The following ABLIM2 variants were observed in gnomAD, a reference collection of about 807,000 sequenced individuals.
ABLIM2 encodes the protein actin binding LIM protein family member 2, also known as actin-binding LIM protein 2.
Under a neutral mutation model 97.7 loss-of-function variants are expected in ABLIM2, and 53 were observed. The observed-to-expected ratio is 0.54, with a 90% CI of 0.44 to 0.68. ABLIM2 has a LOEUF of 0.68. ABLIM2 is among the 30% of genes least tolerant of loss of function. The pLI is 0.00. For missense variants in ABLIM2, 835 were observed against 867.2 expected, an observed-to-expected ratio of 0.96 and a Z score of 0.47; for synonymous variants, 361 against 345.8, an observed-to-expected ratio of 1.04 and a Z score of -0.49.
At chr4:8,116,100 T>C (rs1842654134) in intron 1 of ABLIM2, among the ~76,000 whole-genome samples, 1 of 152,156 alleles carries the variant, frequency 6.6e-6, no homozygotes. Flanking sequence ...ACCACAGACA[T>C]TGTGGAGAGG....
At chr4:8,133,037 G>T (rs1290456541) in intron 1 of ABLIM2, among the ~76,000 whole-genome samples, 4 of 152,140 alleles carry the variant, frequency 2.6e-5, no homozygotes, top group Non-Finnish European at 5.9e-5. Context: ...GCAGGCTCTG[G>T]GGCTCTGGGA....
chr4:8,086,685 C>A (rs1823907839), intron 4 of ABLIM2, among the ~76,000 whole-genome samples: 1 of 152,122 alleles, frequency 6.6e-6, no homozygotes. Flanking sequence ...AAGCTGTGGA[C>A]AAACTGTTCA....
At position 7,986,093 on chromosome 4, in the gene ABLIM2, A is replaced by T. The variant is rs1743761564; in HGVS notation, c.1681-1200T>A. ...TCACGCTTCGTTCCCCAGCACCTGG[A>T]ACGGGGTCTCAAACGGGGTCAGGGC... is the stretch of plus-strand genomic sequence containing the variant. On this transcript the variant is annotated intron_variant, in intron 17 of 20. Transcript: ENST00000447017. The surrounding 1 kb of genome is among the most constrained non-coding windows in gnomAD (Gnocchi z 4.3). 6.6e-6 allele frequency among the ~76,000 whole-genome samples: 1 copy of T among 152,208 alleles called. No individual in the cohort carries two copies. Among genetic ancestry groups the T allele is most frequent in the Non-Finnish European group, 1.5e-5 (1 of 68,032 alleles).
chr4:8,047,759 C>A (rs1579729597), intron 8 of ABLIM2, among the ~76,000 whole-genome samples: 1 of 152,226 alleles, frequency 6.6e-6, no homozygotes. Flanking sequence ...GCTCCCTGAA[C>A]GGGCTTACCG....
intron 5 of ABLIM2, among the ~76,000 whole-genome samples, chr4:8,080,427 A>C (rs1819031757): frequency 6.6e-6 from 1 of 152,210 alleles, no homozygotes; most frequent in South Asian, 2.1e-4. Context: ...CATCCAAAAA[A>C]AGGAGCCGGA....
In ABLIM2 at chr4:8,120,188, G is replaced by A. The variant is rs1041533058; in HGVS notation, c.11-13551C>T. Among the ~76,000 whole-genome samples, 8 of 152,152 alleles carry A rather than the reference G, an allele frequency of 5.3e-5. No individual in the cohort carries two copies. Among genetic ancestry groups the A allele is most frequent in the Non-Finnish European group, 1.0e-4 (7 of 68,016 alleles). ...CTGCCCCTTCCTCCCAGAAGAGGACGTGGCAGGAAGCAAGAGCGGTGCCAG... is the reference window on the plus strand; with the variant it reads ...CTGCCCCTTCCTCCCAGAAGAGGACATGGCAGGAAGCAAGAGCGGTGCCAG... On this transcript the variant is annotated intron_variant, in intron 1 of 20. Transcript: ENST00000447017. This position sits in a 1 kb window ranked among gnomAD's most constrained non-coding sequence, Gnocchi z 5.6.
At chr4:8,074,776 C>CTTTTTTTTTTTT (rs71175458) in intron 6 of ABLIM2, among the ~76,000 whole-genome samples, 2 of 105,048 alleles carry the variant, frequency 1.9e-5, no homozygotes, top group Non-Finnish European at 3.8e-5. Flanking sequence ...CCTGGTAATT[C>CTTTTTTTTTTTT]TTTTTTTTTT....
At chr4:8,014,487 T>C (rs1038147548) in intron 14 of ABLIM2, among the ~76,000 whole-genome samples, 11 of 151,646 alleles carry the variant, frequency 7.3e-5, no homozygotes, top group Non-Finnish European at 1.5e-4. Context: ...GGAGAGAATG[T>C]GTGTGTGTGT....
chr4:8,094,322 G>A (rs576783411), intron 3 of ABLIM2, among the ~76,000 whole-genome samples: 23 of 152,258 alleles, frequency 1.5e-4, no homozygotes, highest in African/African-American at 5.5e-4. Flanking sequence ...ACAAGCCACA[G>A]ACAAAACTCC....
Position 8,088,161 on chromosome 4 carries a change from C to T in ABLIM2, c.454+8G>A, listed in dbSNP as rs1403012391. 6.4e-7 allele frequency: 1 copy of T among 1,564,500 alleles called. No homozygotes were observed. Among genetic ancestry groups the T allele is most frequent in the East Asian group, 2.4e-5 (1 of 41,208 alleles). On this transcript the variant is annotated splice_region_variant and intron_variant, in intron 4 of 20. Transcript: ENST00000447017. ...CACTCAACATGCCCCCACTCAGCGC[C>T]CACTTACTTCGGAGGCCCTGGGACA... is the stretch of plus-strand genomic sequence containing the variant.
chr4:8,102,415 T>G (rs763064716), intron 2 of ABLIM2, among the ~76,000 whole-genome samples: 3 of 152,254 alleles, frequency 2.0e-5, no homozygotes, highest in Non-Finnish European at 4.4e-5. Context: ...TTATTCTTTA[T>G]CATGTTTATT....
intron 17 of ABLIM2, chr4:7,989,520 T>TG: frequency 3.1e-5 from 21 of 684,196 alleles, no homozygotes; most frequent in South Asian, 6.5e-5. Flanking sequence ...GCCTCCATAA[T>TG]GAATTAGTGT....
In ABLIM2 at chr4:8,072,154, C is replaced by T. The variant is rs1482744487; in HGVS notation, c.675+5474G>A. 1 of 788,356 alleles carries T rather than the reference C, an allele frequency of 1.3e-6. No individual in the cohort carries two copies. The highest frequency in any genetic ancestry group is 1.9e-5 in the African/African-American group (1 of 53,346). The allele number at this position is 788,356 out of a possible 1,614,324, so 48.8% of individuals were successfully genotyped here. A position where few individuals can be genotyped will look rare whatever the true frequency, so the allele number is the denominator to read the frequency against. On this transcript the variant is annotated intron_variant, in intron 6 of 20. Transcript: ENST00000447017. This position sits in a 1 kb window ranked among gnomAD's most constrained non-coding sequence, Gnocchi z 5.8. The stretch of plus-strand genomic sequence containing the variant: ...CCAGGAGGCCCTTTCTCCTCCACAG[C>T]AGAGGAGGAGGAAAAAACCCAGACC...
Position 8,054,486 on chromosome 4 carries a change from C to A in ABLIM2, c.764-240G>T, listed in dbSNP as rs1455897222. On this transcript the variant is annotated intron_variant, in intron 7 of 20. Transcript: ENST00000447017. The surrounding 1 kb of genome is among the most constrained non-coding windows in gnomAD (Gnocchi z 4.9). ...TTGTGGGACGGAGGCAGCAAACAAA[C>A]AGGGAAATGGCTGCTGTGCACTAAC... 6.6e-6 allele frequency among the ~76,000 whole-genome samples: 1 copy of A among 152,240 alleles called. No homozygotes were observed. Among genetic ancestry groups the A allele is most frequent in the Non-Finnish European group, 1.5e-5 (1 of 68,042 alleles).
rs1393128068 is a variant in ABLIM2 at position 8,046,161 on chromosome 4, A to C, written c.823-920T>G. On this transcript the variant is annotated intron_variant, in intron 8 of 20. Coordinates refer to ENST00000447017, the MANE Select transcript of ABLIM2 (RefSeq NM_001130083.2). The surrounding 1 kb of genome is among the most constrained non-coding windows in gnomAD (Gnocchi z 4.4). ...TACATGCTCGCTGCTGTCTGGGGCC[A>C]CTCCTCCCTTCCGGACCACACCCGC... is the stretch of plus-strand genomic sequence containing the variant. 1.3e-5 allele frequency among the ~76,000 whole-genome samples: 2 copies of C among 150,556 alleles called. No homozygotes were observed. Among genetic ancestry groups the C allele is most frequent in the Middle Eastern group, 6.8e-3 (2 of 294 alleles).
chr4:8,095,088 T>C lies in ABLIM2; in HGVS notation c.338+2011A>G, dbSNP rs6816779. The stretch of plus-strand genomic sequence containing the variant: ...TTTCTTTCTTTCTCTCTCTCTCTCT[T>C]TCTTTCTTTCTCTTTCCTTTTCTTT... On this transcript the variant is annotated intron_variant, in intron 3 of 20. Coordinates refer to ENST00000447017, the MANE Select transcript of ABLIM2 (RefSeq NM_001130083.2). The surrounding 1 kb of genome is among the most constrained non-coding windows in gnomAD (Gnocchi z 4.7). Among the ~76,000 whole-genome samples, 24 of 84,876 alleles carry C rather than the reference T, an allele frequency of 2.8e-4. No individual in the cohort carries two copies. The East Asian group carries it at 7.0e-3, about 25-fold the overall frequency. 55.7% of individuals were successfully genotyped at this position (84,876 alleles called of 152,430 possible).
intron 1 of ABLIM2, among the ~76,000 whole-genome samples, chr4:8,141,990 A>C (rs1229071576): frequency 2.0e-5 from 3 of 152,220 alleles, no homozygotes; most frequent in African/African-American, 7.2e-5. Context: ...CAGGGGAACA[A>C]GCTGCTTGGC....
In ABLIM2 at chr4:8,123,274, A is replaced by G. The variant is rs575709619; in HGVS notation, c.11-16637T>C. 3.9e-5 allele frequency among the ~76,000 whole-genome samples: 6 copies of G among 152,192 alleles called. No individual in the cohort carries two copies. The East Asian group carries it at 1.2e-3, about 30-fold the overall frequency. On this transcript the variant is annotated intron_variant, in intron 1 of 20. Coordinates refer to ENST00000447017, the MANE Select transcript of ABLIM2 (RefSeq NM_001130083.2). This position sits in a 1 kb window ranked among gnomAD's most constrained non-coding sequence, Gnocchi z 6.2. ...GTGTGGGCACAACAGCACCAGCCCC[A>G]TCTCCAACTGGCATGAGAGGCGTTG...
chr4:8,024,558 G>T (rs530743470), intron 12 of ABLIM2, among the ~76,000 whole-genome samples: 1 of 152,226 alleles, frequency 6.6e-6, no homozygotes, highest in Non-Finnish European at 1.5e-5. Context: ...ACGCTGCCTG[G>T]TGTCCAGCTG....
Sources: gnomAD v4.1 joint callset for allele counts (sites outside exome capture counted in the v4.1 genomes callset) on GRCh38, gnomAD v4.1.1 for gene constraint, Gnocchi (gnomAD v3.1) non-coding constraint, MANE v1.5 for transcripts, NCBI Gene and HGNC (gene_info 2026-07-23, HGNC 2026-07-21) for gene names.